Variants in AGAP6 observed in about 807,000 individuals in gnomAD.
AGAP6 encodes arf-GAP with GTPase, ANK repeat and PH domain-containing protein 6.
A neutral mutation model predicts 63.9 loss-of-function variants in AGAP6; 29 were observed. The ratio of observed to expected loss-of-function variants is 0.45; its 90% CI spans 0.34 to 0.62. AGAP6 has a LOEUF of 0.62. Among genes scored for constraint, AGAP6 ranks in the 20% least tolerant of loss-of-function variants. The pLI, the probability that AGAP6 is intolerant of heterozygous loss-of-function variation, is 0.01. For missense variants in AGAP6, 493 were observed against 884.9 expected, an observed-to-expected ratio of 0.56 and a Z score of 5.62; for synonymous variants, 199 against 332.9, an observed-to-expected ratio of 0.60 and a Z score of 4.38.
intron 5 of AGAP6, among the ~76,000 whole-genome samples, chr10:50,004,190 AC>A (rs369943932): frequency 5.6e-4 from 40 of 70,962 alleles, no homozygotes; most frequent in African/African-American, 1.4e-3. Flanking sequence ...CACCCACCCC[AC>A]CCCCCCAAAA....
chr10:50,009,038 G>A lies in AGAP6; in HGVS notation c.913G>A (p.Val305Ile), dbSNP rs782699081. Residue 305 changes from valine (V) to isoleucine (I), a missense_variant, in exon 8 of 8, where the codon GTC (valine) becomes ATC (isoleucine). Transcript: ENST00000412531. ...GCTGAAGACATGGAAAAAGAAATAC[G>A]TCACCCTGTGTTCCAATGGCATGCT... ...KWLKTWKKKYVTLCSNGMLTY... is the reference protein window; with the variant it reads ...KWLKTWKKKYITLCSNGMLTY... The A allele has an allele frequency of 1.5e-5, 25 of 1,613,646 alleles. No individual in the cohort carries two copies. Among genetic ancestry groups the A allele is most frequent in the Middle Eastern group, 1.7e-4 (1 of 5,842 alleles).
chr10:50,008,930 C>T lies in AGAP6; in HGVS notation c.805C>T (p.Pro269Ser), dbSNP rs1336205142. The T allele has an allele frequency of 6.2e-7, 1 of 1,613,750 alleles. No individual in the cohort carries two copies. Among genetic ancestry groups the T allele is most frequent in the Non-Finnish European group, 8.5e-7 (1 of 1,179,910 alleles). The change falls in exon 8 of 8, where the codon CCG becomes TCG. Residue 269 changes from proline to serine, a missense_variant. Pro to Ser is a moderately conservative substitution (Grantham distance 74). Transcript: ENST00000412531. Reference sequence around the variant, plus strand: ...TGACCCAGACAAAGAGAGGAAAGCCCCGGAGAATCATGCTGACACCATCGG... The same window carrying T: ...TGACCCAGACAAAGAGAGGAAAGCCTCGGAGAATCATGCTGACACCATCGG... ...GSDPDKERKA[P>S]ENHADTIGSG...
chr10:49,991,598 G>C (rs1333657924), intron 2 of AGAP6, 78 bp from the exon 3 acceptor site: 1 of 1,573,118 alleles, frequency 6.4e-7, no homozygotes, highest in Admixed American at 1.7e-5. Flanking sequence ...TAGCCTAAAT[G>C]CAGCAGTCGA....
Position 49,988,830 on chromosome 10 carries a change from A to G in AGAP6, c.115A>G (p.Arg39Gly), listed in dbSNP as rs781948492. Residue 39 changes from arginine to glycine, a missense_variant, in exon 1 of 8, where the codon AGG (arginine) becomes GGG (glycine). Arg to Gly is a moderately radical substitution (Grantham distance 125). This residue lies in a region of AGAP6 where 342 missense variants were observed against 533.4 expected (regional missense o/e 0.64). Coordinates refer to ENST00000412531, the MANE Select transcript of AGAP6 (RefSeq NM_001077665.3). ...SETYEAGARDRMAGAPMAAAV... is the reference protein window; with the variant it reads ...SETYEAGARDGMAGAPMAAAV... ...GACCTATGAGGCAGGAGCTAGGGAC[A>G]GGATGGCAGGAGCGCCCATGGCTGC... 1.9e-6 allele frequency: 3 copies of G among 1,553,042 alleles called. No individual in the cohort carries two copies. Among genetic ancestry groups the G allele is most frequent in the Admixed American group, 3.4e-5 (2 of 58,696 alleles).
rs781971890 is a variant in AGAP6 at position 50,008,950 on chromosome 10, C to T, written c.825C>T (p.Thr275=). ...ERKAPENHAD[T]IGSGRAIPIK... ...AAGCCCCGGAGAATCATGCTGACAC[C>T]ATCGGGAGCGGTAGAGCCATCCCCA... is the stretch of plus-strand genomic sequence containing the variant. Residue 275 remains threonine, a synonymous_variant, in exon 8 of 8, where the codon ACC becomes ACT. Coordinates refer to ENST00000412531, the MANE Select transcript of AGAP6 (RefSeq NM_001077665.3). 2 of 1,613,862 alleles carry T rather than the reference C, an allele frequency of 1.2e-6. No homozygotes were observed. The highest frequency in any genetic ancestry group is 1.7e-6 in the Non-Finnish European group (2 of 1,179,914).
At chr10:50,006,146 T>G (rs1841907364) in intron 6 of AGAP6, among the ~76,000 whole-genome samples, 1 of 152,164 alleles carries the variant, frequency 6.6e-6, no homozygotes, top group African/African-American at 2.4e-5. Flanking sequence ...GATCTTTTGC[T>G]CCATACTTGT....
chr10:49,994,013 A>G, intron 3 of AGAP6, among the ~76,000 whole-genome samples: 1 of 152,132 alleles, frequency 6.6e-6, no homozygotes, highest in Non-Finnish European at 1.5e-5. Context: ...TAGCTCTTAG[A>G]GTCTGATAAT....
chr10:49,990,756 G>A (rs1489716448), intron 2 of AGAP6, among the ~76,000 whole-genome samples: 5 of 152,056 alleles, frequency 3.3e-5, no homozygotes, highest in African/African-American at 7.3e-5. Context: ...AACTTTGGTC[G>A]GGCTCTTAAT....
Position 49,989,367 on chromosome 10 carries a change from C to T in AGAP6, c.283C>T (p.Gln95Ter). The T allele has an allele frequency of 6.3e-7, 1 of 1,597,500 alleles. No individual in the cohort carries two copies. The highest frequency in any genetic ancestry group is 8.5e-7 in the Non-Finnish European group (1 of 1,179,748). ...AAGCACAATATTCCAGAGGAACTCT[C>T]AAACAGAAGGTGAGACAACAGTGTC... ...ESSTIFQRNS[Q>*]TEALEFNPSA... Residue 95 changes from glutamine to a stop codon, truncating the protein, a stop_gained, in exon 2 of 8, where the codon CAA becomes TAA. Transcript: ENST00000412531. LOFTEE classifies it high-confidence loss of function.
At chr10:49,995,938 A>ATC (rs1841468778) in intron 4 of AGAP6, among the ~76,000 whole-genome samples, 2 of 152,046 alleles carry the variant, frequency 1.3e-5, no homozygotes, top group South Asian at 4.2e-4. Context: ...GCTTTTTAGA[A>ATC]TCTCTCTCTC....
chr10:50,004,495 G>A (rs1174178619), intron 5 of AGAP6, among the ~76,000 whole-genome samples, 190 bp from the exon 6 acceptor site: 1 of 146,394 alleles, frequency 6.8e-6, no homozygotes, highest in Non-Finnish European at 1.5e-5. Context: ...ATATTTCCTT[G>A]CATTTTGGTT....
In AGAP6 at chr10:50,003,407, A is replaced by G. The variant is rs1372272345; in HGVS notation, c.498-1278A>G. 1.1e-4 allele frequency among the ~76,000 whole-genome samples: 17 copies of G among 152,196 alleles called. No individual in the cohort carries two copies. The East Asian group carries it at 2.9e-3, about 26-fold the overall frequency. ...GTTTTTTTCAAAATACAAGTCTGCA[A>G]ACACATGTATCTTCCCATCTCCACT... On this transcript the variant is annotated intron_variant, in intron 5 of 7. Transcript: ENST00000412531.
At chr10:49,990,981 C>T (rs1841250682) in intron 2 of AGAP6, among the ~76,000 whole-genome samples, 1 of 151,994 alleles carries the variant, frequency 6.6e-6, no homozygotes. Flanking sequence ...GGATGTTACA[C>T]ACCAGTTAGT....
At chr10:49,992,385 C>T (rs534928661) in intron 3 of AGAP6, among the ~76,000 whole-genome samples, 258 of 152,226 alleles carry the variant, frequency 1.7e-3, no homozygotes, top group Non-Finnish European at 2.6e-3. Context: ...CCAAGTTTTC[C>T]GGTTGACTTA....
Position 50,010,251 on chromosome 10 carries a change from C to T in AGAP6, c.*65C>T. On this transcript the variant is annotated 3_prime_UTR_variant, in exon 8 of 8. Transcript: ENST00000412531. ...CAAAATGGGAAAAATAAGGATAACT[C>T]AGAATTTCAAAAGGAAATCACAAAT... The T allele has an allele frequency of 1.3e-6, 2 of 1,597,364 alleles. No homozygotes were observed. Among genetic ancestry groups the T allele is most frequent in the Non-Finnish European group, 1.7e-6 (2 of 1,169,588 alleles).
At chr10:50,006,211 G>A (rs1252417332) in intron 6 of AGAP6, among the ~76,000 whole-genome samples, 1 of 152,126 alleles carries the variant, frequency 6.6e-6, no homozygotes, top group Non-Finnish European at 1.5e-5. Context: ...GTTTTATTGT[G>A]TCAAAAATCA....
Position 49,988,533 on chromosome 10 carries a change from G to A in AGAP6, c.-183G>A, listed in dbSNP as rs1326273656. 4.6e-6 allele frequency: 7 copies of A among 1,507,452 alleles called. No homozygotes were observed. In the African/African-American group the frequency reaches 6.9e-5, roughly 15 times the overall value. 93.4% of individuals were successfully genotyped at this position (1,507,452 alleles called of 1,614,324 possible). A position where few individuals can be genotyped will look rare whatever the true frequency, so the allele number is the denominator to read the frequency against. On this transcript the variant is annotated 5_prime_UTR_variant, in exon 1 of 8. Coordinates refer to ENST00000412531, the MANE Select transcript of AGAP6 (RefSeq NM_001077665.3). Reference sequence around the variant, plus strand: ...GGGAGGCAGCAGGGTGCGGGCCTTGGCCCGCAGCCCTAGCCGGGGCCGGGG... The same window carrying A: ...GGGAGGCAGCAGGGTGCGGGCCTTGACCCGCAGCCCTAGCCGGGGCCGGGG...
chr10:50,009,225 T>C lies in AGAP6; in HGVS notation c.1100T>C (p.Met367Thr). The C allele has an allele frequency of 6.2e-7, 1 of 1,614,228 alleles. No homozygotes were observed. The highest frequency in any genetic ancestry group is 8.5e-7 in the Non-Finnish European group (1 of 1,180,044). The change falls in exon 8 of 8, where the codon ATG (methionine) becomes ACG (threonine). Residue 367 changes from methionine (M) to threonine (T), a missense_variant. By Grantham distance (81) the Met-to-Thr change is moderately conservative. Transcript: ENST00000412531. ...SSKSNGLSKD[M>T]DTGLGDSICF... Reference sequence around the variant, plus strand: ...AAAAGCAATGGCCTATCCAAGGACATGGACACCGGGCTGGGTGACTCCATA... The same window carrying C: ...AAAAGCAATGGCCTATCCAAGGACACGGACACCGGGCTGGGTGACTCCATA...
intron 5 of AGAP6, among the ~76,000 whole-genome samples, chr10:50,004,339 G>A (rs1165924534): frequency 6.6e-6 from 1 of 151,114 alleles, no homozygotes; most frequent in Non-Finnish European, 1.5e-5. Flanking sequence ...CTGAGCAAGA[G>A]AGACAGACTC....
Sources: allele counts gnomAD v4.1 joint callset (sites outside exome capture counted in the v4.1 genomes callset), GRCh38; gene constraint gnomAD v4.1.1; regional missense constraint gnomAD v4.1.1; transcripts MANE v1.5; gene names NCBI Gene and HGNC (gene_info 2026-07-23, HGNC 2026-07-21).